OR2L13: variants seen among roughly 807,000 people sequenced by gnomAD.
OR2L13 encodes olfactory receptor family 2 subfamily L member 13, also known as olfactory receptor 2L13.
OR2L13 carries 14 observed loss-of-function variants against 15.3 expected under a neutral mutation model. The ratio of observed to expected loss-of-function variants is 0.91; its 90% CI spans 0.60 to 1.43. The LOEUF is 1.43. OR2L13 is among the 40% of genes most tolerant of loss of function. The pLI, the probability that OR2L13 is intolerant of heterozygous loss-of-function variation, is 0.00. For synonymous variants in OR2L13, 152 were observed against 142.9 expected, an observed-to-expected ratio of 1.06 and a Z score of -0.45; for missense variants, 367 against 387.9, an observed-to-expected ratio of 0.95 and a Z score of 0.45.
the OR2L13 span, among the ~76,000 whole-genome samples, chr1:248,056,825 A>G: frequency 6.6e-6 from 1 of 151,064 alleles, no homozygotes; most frequent in African/African-American, 2.4e-5. Flanking sequence ...ATTTTTTTGG[A>G]TTTTAGTAGA....
chr1:248,095,607 C>CTTTTTTTTTTTTTTTTTGTTTTTTTTT (rs1664718064), upstream of OR2L13, among the ~76,000 whole-genome samples: 1 of 37,294 alleles, frequency 2.7e-5, no homozygotes, highest in Non-Finnish European at 5.4e-5. Flanking sequence ...AAAGCTGCTG[C>CTTTTTTTTTTTTTTTTTGTTTTTTTTT]TTTTTTTTTT....
chr1:247,972,615 A>C, the OR2L13 span, among the ~76,000 whole-genome samples: 1 of 124,018 alleles, frequency 8.1e-6, no homozygotes, highest in African/African-American at 2.8e-5. Flanking sequence ...AAATTGAGGC[A>C]GTAATTAATA....
upstream of OR2L13, among the ~76,000 whole-genome samples, chr1:248,095,641 A>C (rs1425609314): frequency 1.6e-3 from 25 of 15,700 alleles, no homozygotes; most frequent in East Asian, 0.057. Context: ...GAGTCTCACT[A>C]TGTCACCCAG....
At chr1:248,010,763 G>GTTT in the OR2L13 span, among the ~76,000 whole-genome samples, 468 of 44,458 alleles carry the variant, frequency 0.011, 34 homozygotes, top group South Asian at 0.038. Context: ...CTTTGTTGTT[G>GTTT]TTTTTTTTTT....
the OR2L13 span, among the ~76,000 whole-genome samples, chr1:248,053,456 T>C: frequency 6.6e-6 from 1 of 152,230 alleles, no homozygotes; most frequent in Non-Finnish European, 1.5e-5. Context: ...TTATATTCCT[T>C]TGGGTATACA....
At chr1:247,967,380 C>G in the OR2L13 span, among the ~76,000 whole-genome samples, 2 of 152,032 alleles carry the variant, frequency 1.3e-5, no homozygotes, top group South Asian at 2.1e-4. Flanking sequence ...AGGCACCCGC[C>G]ACCACACCCG....
At chr1:248,021,890 A>G in the OR2L13 span, 2 of 1,368,858 alleles carry the variant, frequency 1.5e-6, no homozygotes, top group South Asian at 1.3e-5. Flanking sequence ...ATAATGGGGA[A>G]CTACTGTACT....
chr1:248,093,261 A>C (rs1664642526), upstream of OR2L13, among the ~76,000 whole-genome samples: 1 of 152,196 alleles, frequency 6.6e-6, no homozygotes, highest in Admixed American at 6.5e-5. Flanking sequence ...AGAGAACAAG[A>C]ACATACTGTG....
At chr1:247,975,704 C>T in the OR2L13 span, 1 of 753,842 alleles carries the variant, frequency 1.3e-6, no homozygotes, top group Non-Finnish European at 2.2e-6. Flanking sequence ...CTCACATCAA[C>T]TTAGCAGTGT....
At chr1:248,086,427 C>A in the OR2L13 span, among the ~76,000 whole-genome samples, 3 of 152,076 alleles carry the variant, frequency 2.0e-5, no homozygotes, top group Non-Finnish European at 4.4e-5. Flanking sequence ...CTGTATTATG[C>A]TAAGCTGTGA....
At chr1:247,959,651 C>G in the OR2L13 span, among the ~76,000 whole-genome samples, 1 of 151,972 alleles carries the variant, frequency 6.6e-6, no homozygotes, top group Non-Finnish European at 1.5e-5. Flanking sequence ...TCTTTTTATT[C>G]TTTTTTCTCT....
the OR2L13 span, chr1:247,990,258 G>T: frequency 1.2e-6 from 1 of 847,836 alleles, no homozygotes; most frequent in South Asian, 1.4e-5. Context: ...AGGATCATAT[G>T]AATGCTCCAT....
At chr1:248,041,096 G>A in the OR2L13 span, 1 of 152,142 alleles carries the variant, frequency 6.6e-6, no homozygotes, top group Non-Finnish European at 1.5e-5. Context: ...GTTGCCTGAT[G>A]TTGAAAGATT....
chr1:248,085,367 G>A, the OR2L13 span, among the ~76,000 whole-genome samples: 10 of 83,512 alleles, frequency 1.2e-4, no homozygotes, highest in Non-Finnish European at 2.3e-4. Context: ...AAACCTGCAC[G>A]TTTGGCACAT....
At chr1:247,993,813 A>AGAGAG in the OR2L13 span, among the ~76,000 whole-genome samples, 3 of 77,872 alleles carry the variant, frequency 3.9e-5, no homozygotes, top group South Asian at 4.0e-4. Flanking sequence ...GAGAGAGAGA[A>AGAGAG]AGAAAGAGAA....
At chr1:248,044,388 T>C in the OR2L13 span, among the ~76,000 whole-genome samples, 1 of 152,214 alleles carries the variant, frequency 6.6e-6, no homozygotes, top group Non-Finnish European at 1.5e-5. Context: ...TTAACTTGTC[T>C]AAGAAACTGA....
At chr1:248,060,422 A>G in the OR2L13 span, among the ~76,000 whole-genome samples, 1 of 152,222 alleles carries the variant, frequency 6.6e-6, no homozygotes, top group African/African-American at 2.4e-5. Context: ...TATTGACATA[A>G]TTTGTATTAT....
chr1:247,966,213 C>T, the OR2L13 span: 1 of 1,613,438 alleles, frequency 6.2e-7, no homozygotes, highest in African/African-American at 1.3e-5. Flanking sequence ...TATTTTACAC[C>T]ATTGTCACAC....
chr1:247,972,632 A>AAAAC, the OR2L13 span, among the ~76,000 whole-genome samples: 29 of 10,824 alleles, frequency 2.7e-3, no homozygotes, highest in South Asian at 0.1. Flanking sequence ...AATAGCCTAC[A>AAAAC]AAAACAAAAC....
Sources: gnomAD v4.1 joint callset for allele counts (sites outside exome capture counted in the v4.1 genomes callset) on GRCh38, gnomAD v4.1.1 for gene constraint, MANE v1.5 for transcripts, NCBI Gene and HGNC (gene_info 2026-07-23, HGNC 2026-07-21) for gene names.